EML6: variants seen among roughly 807,000 people sequenced by gnomAD.
The protein encoded by EML6 is echinoderm microtubule-associated protein-like 6.
EML6 carries 154 observed loss-of-function variants against 240.1 expected under a neutral mutation model. That is an observed-to-expected ratio of 0.64 (90% CI 0.56 to 0.73). EML6 has a LOEUF of 0.73. Ranked by LOEUF, EML6 falls within the 30% of genes least tolerant of loss-of-function variation. EML6 has a pLI of 0.00. For synonymous variants in EML6, 1,148 were observed against 899.0 expected (o/e 1.28, Z -4.95); for missense variants, 2,964 against 2,474.6 (o/e 1.20, Z -4.20).
At chr2:54,822,730 C>T (rs1252266092) in intron 5 of EML6, among the ~76,000 whole-genome samples, 1 of 151,982 alleles carries the variant, frequency 6.6e-6, no homozygotes, top group Non-Finnish European at 1.5e-5. Context: ...AGGACTTCTC[C>T]AAATGTTAAG....
chr2:54,903,596 G>T, intron 24 of EML6, 94 bp downstream of exon 24: 264 of 815,458 alleles, frequency 3.2e-4, no homozygotes, highest in East Asian at 7.3e-4. Context: ...TTGAGTGTTA[G>T]AAATGGGAAA....
intron 17 of EML6, among the ~76,000 whole-genome samples, chr2:54,887,928 G>A (rs978657096): frequency 2.6e-5 from 4 of 152,106 alleles, no homozygotes; most frequent in African/African-American, 7.2e-5. Flanking sequence ...ATTATCACCC[G>A]AAGTCCGCAG....
chr2:54,947,010 A>G (rs1675726988), intron 28 of EML6, among the ~76,000 whole-genome samples: 1 of 151,838 alleles, frequency 6.6e-6, no homozygotes, highest in Non-Finnish European at 1.5e-5. Flanking sequence ...GCTTGTACGC[A>G]TACTCTATAT....
chr2:54,756,501 T>C (rs1418363152), intron 2 of EML6, among the ~76,000 whole-genome samples: 1 of 152,224 alleles, frequency 6.6e-6, no homozygotes, highest in African/African-American at 2.4e-5. Flanking sequence ...GTCCTGATTT[T>C]ATATTGTCAT....
chr2:54,908,254 G>C (rs1673453820), intron 24 of EML6, among the ~76,000 whole-genome samples: 2 of 149,386 alleles, frequency 1.3e-5, no homozygotes, highest in Non-Finnish European at 3.0e-5. Flanking sequence ...CTGTCACCCA[G>C]GTTGGAGTGC....
intron 32 of EML6, among the ~76,000 whole-genome samples, chr2:54,954,754 G>C (rs1449414626): frequency 6.6e-6 from 1 of 152,130 alleles, no homozygotes; most frequent in African/African-American, 2.4e-5. Context: ...GCAACTGAAT[G>C]TGTGGTCATC....
intron 28 of EML6, among the ~76,000 whole-genome samples, chr2:54,940,132 G>C (rs1018105800): frequency 6.6e-6 from 1 of 152,164 alleles, no homozygotes; most frequent in Middle Eastern, 3.2e-3. Context: ...CCTGTGAACT[G>C]ACAGGCGCTA....
intron 6 of EML6, among the ~76,000 whole-genome samples, chr2:54,828,827 G>A (rs972696356): frequency 6.6e-6 from 1 of 152,180 alleles, no homozygotes; most frequent in Non-Finnish European, 1.5e-5. Flanking sequence ...ATCTTCAAAC[G>A]ATGCTTAACA....
Position 54,853,795 on chromosome 2 carries a change from C to T in EML6, c.1597C>T (p.Leu533=). 6.4e-7 allele frequency: 1 copy of T among 1,551,584 alleles called. No individual in the cohort carries two copies. Among genetic ancestry groups the T allele is most frequent in the Non-Finnish European group, 8.7e-7 (1 of 1,146,938 alleles). ...GGATGCGAATTACAACAGCTCAGTG[C>T]TGGTGTCTGGAGATGATTTTGGACT... ...SVDANYNSSV[L]VSGDDFGLVK... is the part of the protein sequence containing the mutation. Residue 533 remains leucine, a synonymous_variant, in exon 11 of 42, where the codon CTG becomes TTG. Transcript: ENST00000356458.
intron 17 of EML6, among the ~76,000 whole-genome samples, chr2:54,890,745 C>T (rs1672422725): frequency 6.6e-6 from 1 of 152,162 alleles, no homozygotes; most frequent in South Asian, 2.1e-4. Flanking sequence ...TTACTTGCAA[C>T]CCCACAGTGG....
chr2:54,971,266 A>T lies in EML6; in HGVS notation c.*1171A>T, dbSNP rs1368153422. ...TCCTTGGAGTTGGTTGTATGACGGA[A>T]TATGACTTGGACAATCTTTACCAGA... On this transcript the variant is annotated 3_prime_UTR_variant, in exon 42 of 42. Coordinates refer to ENST00000356458, the MANE Select transcript of EML6 (RefSeq NM_001039753.4). The T allele has an allele frequency of 6.6e-6, 1 of 152,244 alleles. No individual in the cohort carries two copies. Among genetic ancestry groups the T allele is most frequent in the African/African-American group, 2.4e-5 (1 of 41,468 alleles). The allele number at this position is 152,244 out of a possible 1,614,324, so 9.4% of individuals were successfully genotyped here.
intron 28 of EML6, among the ~76,000 whole-genome samples, chr2:54,937,751 T>C (rs774807338): frequency 2.6e-5 from 4 of 152,140 alleles, no homozygotes; most frequent in Non-Finnish European, 5.9e-5. Flanking sequence ...GTAGATGACA[T>C]GTACACAGCC....
intron 26 of EML6, among the ~76,000 whole-genome samples, chr2:54,922,080 T>C (rs1458891400): frequency 6.6e-6 from 1 of 151,988 alleles, no homozygotes; most frequent in East Asian, 1.9e-4. Context: ...AACATCAAAC[T>C]AAAAAGCTTT....
intron 2 of EML6, among the ~76,000 whole-genome samples, chr2:54,740,818 T>G (rs1339631211): frequency 1.3e-5 from 2 of 152,158 alleles, no homozygotes; most frequent in Non-Finnish European, 2.9e-5. Flanking sequence ...ACATTCACTT[T>G]GACTGGCCCT....
rs764096841 is a variant in EML6 at position 54,970,134 on chromosome 2, C to G, written c.*39C>G. The G allele has an allele frequency of 1.3e-6, 2 of 1,548,690 alleles. No individual in the cohort carries two copies. Among genetic ancestry groups the G allele is most frequent in the South Asian group, 1.2e-5 (1 of 84,018 alleles). On this transcript the variant is annotated 3_prime_UTR_variant, in exon 42 of 42. Coordinates refer to ENST00000356458, the MANE Select transcript of EML6 (RefSeq NM_001039753.4). Reference sequence around the variant, plus strand: ...TCTTATGTTATTGCTGCTGCTGCTACCAGCCAGCAACTGCAGAGGCCATGC... The same window carrying G: ...TCTTATGTTATTGCTGCTGCTGCTAGCAGCCAGCAACTGCAGAGGCCATGC...
Position 54,910,976 on chromosome 2 carries a change from A to G in EML6, c.3432A>G (p.Ser1144=), listed in dbSNP as rs1673608909. Residue 1144 remains serine (S), a synonymous_variant, in exon 25 of 42, where the codon TCA becomes TCG. Transcript: ENST00000356458. ...DSRGKLLQVN[S]GAREQLFFEA... ...CAGGAAAATTATTGCAAGTGAATTCAGGTGCCAGAGAACAACTTTTTTTTG... is the reference window on the plus strand; with the variant it reads ...CAGGAAAATTATTGCAAGTGAATTCGGGTGCCAGAGAACAACTTTTTTTTG... The G allele has an allele frequency of 6.5e-7, 1 of 1,534,838 alleles. No individual in the cohort carries two copies. The highest frequency in any genetic ancestry group is 8.8e-7 in the Non-Finnish European group (1 of 1,134,682).
At chr2:54,789,343 C>G (rs891875388) in intron 2 of EML6, among the ~76,000 whole-genome samples, 2 of 151,160 alleles carry the variant, frequency 1.3e-5, no homozygotes, top group African/African-American at 4.9e-5. Context: ...GAAACCCCGT[C>G]TCTACTAAAA....
At chr2:54,727,045 G>A (rs1041106372) in intron 2 of EML6, among the ~76,000 whole-genome samples, 4 of 152,218 alleles carry the variant, frequency 2.6e-5, no homozygotes, top group South Asian at 2.1e-4. Context: ...GCAGTAAACC[G>A]TTGTTATGAC....
intron 16 of EML6, among the ~76,000 whole-genome samples, chr2:54,872,029 C>A (rs746474724): frequency 6.6e-6 from 1 of 152,144 alleles, no homozygotes; most frequent in Non-Finnish European, 1.5e-5. Flanking sequence ...ATTGAAAATA[C>A]AAAGTACTAG....
Sources: allele counts gnomAD v4.1 joint callset (sites outside exome capture counted in the v4.1 genomes callset), GRCh38; gene constraint gnomAD v4.1.1; transcripts MANE v1.5; gene names NCBI Gene and HGNC (gene_info 2026-07-23, HGNC 2026-07-21).